WWOX: variants seen among roughly 807,000 people sequenced by gnomAD.
WWOX encodes the protein WW domain containing oxidoreductase.
WWOX carries 69 observed loss-of-function variants against 46.2 expected under a neutral mutation model. That is an observed-to-expected ratio of 1.49 (90% confidence interval 1.23 to 1.82). The LOEUF (loss-of-function observed/expected upper bound fraction) is 1.82. Among genes scored for constraint, WWOX ranks in the 40% most tolerant of loss-of-function variants. WWOX has a pLI of 0.00. For synonymous variants in WWOX, 359 were observed against 202.6 expected, an observed-to-expected ratio of 1.77 and a Z score of -6.56; for missense variants, 919 against 542.6, an observed-to-expected ratio of 1.69 and a Z score of -6.89.
intron 6 of WWOX, among the ~76,000 whole-genome samples, chr16:78,422,842 T>TACACACACAGAC (rs1402975035): frequency 1.3e-5 from 1 of 76,312 alleles, no homozygotes; most frequent in African/African-American, 5.8e-5. Flanking sequence ...TATATATACA[T>TACACACACAGAC]ATACACACAC....
chr16:78,244,966 T>C (rs893746390), intron 5 of WWOX, among the ~76,000 whole-genome samples: 1 of 152,266 alleles, frequency 6.6e-6, no homozygotes, highest in African/African-American at 2.4e-5. Flanking sequence ...CTTAGCATTT[T>C]GGCACATATT....
intron 8 of WWOX, among the ~76,000 whole-genome samples, chr16:78,968,959 C>A (rs970714887): frequency 8.6e-5 from 13 of 151,568 alleles, no homozygotes; most frequent in African/African-American, 3.1e-4. Flanking sequence ...CAGCTTTTTT[C>A]CACTTTCAAA....
chr16:78,309,104 C>A (rs371437753), intron 5 of WWOX, among the ~76,000 whole-genome samples: 2 of 152,130 alleles, frequency 1.3e-5, no homozygotes, highest in African/African-American at 4.8e-5. Context: ...CTTGAATCCA[C>A]CTGATATGGT....
intron 8 of WWOX, among the ~76,000 whole-genome samples, chr16:78,768,119 C>G (rs953596028): frequency 2.0e-5 from 3 of 149,582 alleles, no homozygotes; most frequent in Non-Finnish European, 4.4e-5. Flanking sequence ...AATTGTAATT[C>G]TTGGCTTTGG....
intron 8 of WWOX, among the ~76,000 whole-genome samples, chr16:78,481,746 T>TGC (rs2084494964): frequency 6.7e-6 from 1 of 150,280 alleles, no homozygotes; most frequent in African/African-American, 2.5e-5. Flanking sequence ...TGTGTGTGTG[T>TGC]GTGTGTGTGT....
intron 4 of WWOX, among the ~76,000 whole-genome samples, chr16:78,135,691 AAAC>A (rs551758327): frequency 1.7e-3 from 253 of 152,180 alleles, no homozygotes; most frequent in Middle Eastern, 6.8e-3. Context: ...ACTGAAAAAA[AAAC>A]AAAACAACAA....
chr16:78,731,452 C>T (rs1030186531), intron 8 of WWOX, among the ~76,000 whole-genome samples: 1 of 152,014 alleles, frequency 6.6e-6, no homozygotes. Context: ...AGTGTTTCAA[C>T]ATAGACTTGT....
chr16:79,056,689 C>A (rs1238000039), intron 8 of WWOX, among the ~76,000 whole-genome samples: 3 of 152,180 alleles, frequency 2.0e-5, no homozygotes, highest in African/African-American at 7.2e-5. Flanking sequence ...AATCCCCCTC[C>A]ATTAAGGGTC....
At chr16:78,882,133 AAAAC>A (rs890827001) in intron 8 of WWOX, among the ~76,000 whole-genome samples, 2 of 152,228 alleles carry the variant, frequency 1.3e-5, no homozygotes, top group African/African-American at 4.8e-5. Context: ...TTACAAAACA[AAAAC>A]AAAGAACTGA....
intron 8 of WWOX, among the ~76,000 whole-genome samples, chr16:78,531,274 A>G (rs142244193): frequency 0.012 from 1,762 of 152,232 alleles, 30 homozygotes; most frequent in Middle Eastern, 0.044. Context: ...AAGGGTTTCC[A>G]TTCTCCGAGA....
intron 8 of WWOX, among the ~76,000 whole-genome samples, chr16:78,454,885 C>T (rs568498199): frequency 6.6e-6 from 1 of 152,198 alleles, no homozygotes; most frequent in Non-Finnish European, 1.5e-5. Context: ...TTGGTTTCAC[C>T]ACCCCGCTAG....
At chr16:78,825,788 G>C (rs1362132432) in intron 8 of WWOX, 1 of 597,404 alleles carries the variant, frequency 1.7e-6, no homozygotes, top group African/African-American at 1.8e-5. Flanking sequence ...TGATGCTGTT[G>C]TGTGCCATGT....
intron 8 of WWOX, among the ~76,000 whole-genome samples, chr16:78,760,206 G>C (rs570911643): frequency 1.3e-5 from 2 of 152,266 alleles, no homozygotes; most frequent in East Asian, 3.9e-4. Flanking sequence ...AGGTGAAGGA[G>C]TTTCCCGTTA....
At chr16:78,616,542 G>A (rs1410193936) in intron 8 of WWOX, among the ~76,000 whole-genome samples, 2 of 151,580 alleles carry the variant, frequency 1.3e-5, no homozygotes, top group African/African-American at 4.9e-5. Context: ...CAGGTGTCTC[G>A]GTGGATCACT....
At chr16:78,761,957 C>G (rs2049805267) in intron 8 of WWOX, among the ~76,000 whole-genome samples, 2 of 152,040 alleles carry the variant, frequency 1.3e-5, no homozygotes, top group African/African-American at 2.4e-5. Context: ...CAAAGACCAC[C>G]TAGGAAATGT....
intron 8 of WWOX, among the ~76,000 whole-genome samples, chr16:78,796,913 C>A (rs972306209): frequency 1.3e-5 from 2 of 151,436 alleles, no homozygotes; most frequent in African/African-American, 4.9e-5. Flanking sequence ...GCAAATTCTG[C>A]CTGCTAAGAT....
At chr16:78,974,251 CTG>C (rs1395599890) in intron 8 of WWOX, among the ~76,000 whole-genome samples, 2 of 152,216 alleles carry the variant, frequency 1.3e-5, no homozygotes, top group Non-Finnish European at 2.9e-5. Flanking sequence ...TAGAGAAAAA[CTG>C]TCTCTAATGA....
chr16:78,235,734 T>A (rs2037414187), intron 5 of WWOX, among the ~76,000 whole-genome samples: 1 of 152,202 alleles, frequency 6.6e-6, no homozygotes, highest in Admixed American at 6.5e-5. Context: ...AAGGCTGTCC[T>A]CACGTCATGG....
chr16:78,569,566 C>G (rs1240335055), intron 8 of WWOX, among the ~76,000 whole-genome samples: 1 of 152,170 alleles, frequency 6.6e-6, no homozygotes, highest in African/African-American at 2.4e-5. Flanking sequence ...GAAATTTACA[C>G]CTTTTCAAAT....
Sources: allele counts gnomAD v4.1 joint callset (sites outside exome capture counted in the v4.1 genomes callset), GRCh38; gene constraint gnomAD v4.1.1; transcripts MANE v1.5; gene names NCBI Gene and HGNC (gene_info 2026-07-23, HGNC 2026-07-21).